Variants in PPFIA2 observed in about 807,000 individuals in gnomAD.
The protein encoded by PPFIA2 is liprin-alpha-2.
PPFIA2 carries 46 observed loss-of-function variants against 175.5 expected under a neutral mutation model. That is an observed-to-expected ratio of 0.26 (90% CI 0.21 to 0.34). The LOEUF is 0.34. PPFIA2 is among the 10% of genes least tolerant of loss of function. PPFIA2 has a pLI of 1.00. For synonymous variants in PPFIA2, 568 were observed against 511.4 expected, an observed-to-expected ratio of 1.11 and a Z score of -1.49; for missense variants, 1,179 against 1,506.1, an observed-to-expected ratio of 0.78 and a Z score of 3.60.
intron 24 of PPFIA2, among the ~76,000 whole-genome samples, chr12:81,291,405 T>C (rs1335696510): frequency 6.6e-6 from 1 of 152,004 alleles, no homozygotes; most frequent in African/African-American, 2.4e-5. Context: ...ATCTATATAA[T>C]CCTGTACTAA....
chr12:81,274,803 C>A (rs990309578), intron 28 of PPFIA2, among the ~76,000 whole-genome samples: 1 of 152,272 alleles, frequency 6.6e-6, no homozygotes, highest in Admixed American at 6.5e-5. Context: ...GTCACCAGAT[C>A]AGTCATAGGA....
intron 13 of PPFIA2, among the ~76,000 whole-genome samples, chr12:81,368,397 T>C (rs1453199124): frequency 6.6e-6 from 1 of 151,732 alleles, no homozygotes; most frequent in Non-Finnish European, 1.5e-5. Context: ...AAGTATTGAC[T>C]TGTGTCTCAT....
intron 4 of PPFIA2, among the ~76,000 whole-genome samples, chr12:81,661,389 G>T (rs1296770325): frequency 6.6e-6 from 1 of 152,100 alleles, no homozygotes; most frequent in Non-Finnish European, 1.5e-5. Flanking sequence ...AAAAGGCAGG[G>T]TTTGCAATCC....
chr12:81,259,674 T>C lies in PPFIA2; in HGVS notation c.*34-14A>G. On this transcript the variant is annotated splice_polypyrimidine_tract_variant and intron_variant, in intron 32 of 32. Coordinates refer to ENST00000549396, the MANE Select transcript of PPFIA2 (RefSeq NM_003625.5). Reference sequence around the variant, plus strand: ...AAAAGACGCCATCTAAAATATACAATGGATAGCATTAGTTCACTGAAAAGT... The same window carrying C: ...AAAAGACGCCATCTAAAATATACAACGGATAGCATTAGTTCACTGAAAAGT... 2 of 1,533,440 alleles carry C rather than the reference T, an allele frequency of 1.3e-6. No homozygotes were observed. The highest frequency in any genetic ancestry group is 1.7e-6 in the Non-Finnish European group (2 of 1,144,776). The allele number at this position is 1,533,440 out of a possible 1,614,324, so 95.0% of individuals were successfully genotyped here. A position where few individuals can be genotyped will look rare whatever the true frequency, so the allele number is the denominator to read the frequency against.
chr12:81,673,764 T>C (rs2071905269), intron 4 of PPFIA2, among the ~76,000 whole-genome samples: 1 of 152,046 alleles, frequency 6.6e-6, no homozygotes, highest in South Asian at 2.1e-4. Context: ...AATCTGCAAG[T>C]TGTGTTTGCT....
At chr12:81,585,052 A>AAT (rs1466930012) in intron 4 of PPFIA2, among the ~76,000 whole-genome samples, 79 of 119,214 alleles carry the variant, frequency 6.6e-4, no homozygotes, top group East Asian at 3.8e-3. Flanking sequence ...ATAATATATT[A>AAT]TATAATTATA....
At chr12:81,316,133 A>G (rs984868178) in intron 22 of PPFIA2, among the ~76,000 whole-genome samples, 4 of 151,574 alleles carry the variant, frequency 2.6e-5, no homozygotes, top group Non-Finnish European at 3.0e-5. Flanking sequence ...ATATATATGT[A>G]TGAAGTCTTT....
At chr12:81,406,311 G>A (rs1222967807) in intron 7 of PPFIA2, among the ~76,000 whole-genome samples, 1 of 151,928 alleles carries the variant, frequency 6.6e-6, no homozygotes, top group East Asian at 1.9e-4. Flanking sequence ...AAAGATTGAA[G>A]GTTAAAGACT....
chr12:81,267,800 T>C (rs1049153333), intron 29 of PPFIA2, 112 bp downstream of exon 29: 8 of 858,414 alleles, frequency 9.3e-6, no homozygotes, highest in African/African-American at 3.8e-5. Flanking sequence ...ATTTCAAACA[T>C]TGAGTTAACT....
intron 23 of PPFIA2, among the ~76,000 whole-genome samples, chr12:81,298,912 G>T (rs2047136765): frequency 6.6e-6 from 1 of 152,142 alleles, no homozygotes; most frequent in Non-Finnish European, 1.5e-5. Flanking sequence ...TGTACATCTA[G>T]GTGATCTTAC....
intron 3 of PPFIA2, among the ~76,000 whole-genome samples, chr12:81,751,135 A>T (rs556042489): frequency 5.4e-5 from 8 of 148,498 alleles, no homozygotes; most frequent in South Asian, 2.1e-4. Context: ...CACTTTCTTT[A>T]AAAAAAAAAG....
intron 4 of PPFIA2, among the ~76,000 whole-genome samples, chr12:81,610,733 C>A (rs556106889): frequency 6.6e-6 from 1 of 152,298 alleles, no homozygotes; most frequent in African/African-American, 2.4e-5. Context: ...TCATTTCAGT[C>A]ATTTCAGACT....
intron 7 of PPFIA2, among the ~76,000 whole-genome samples, chr12:81,412,797 T>C (rs924977726): frequency 1.3e-5 from 2 of 151,960 alleles, no homozygotes; most frequent in Non-Finnish European, 2.9e-5. Context: ...AAATTTGATG[T>C]ACATTAAACA....
Position 81,504,605 on chromosome 12 carries a change from A to G in PPFIA2, c.304-46739T>C, listed in dbSNP as rs1172017575. ...GTGTGGTCATTCCTCAAGGATCTAGAAATAAAAATACCATTTGACCCAGCA... is the reference window on the plus strand; with the variant it reads ...GTGTGGTCATTCCTCAAGGATCTAGGAATAAAAATACCATTTGACCCAGCA... On this transcript the variant is annotated intron_variant, in intron 4 of 32. Coordinates refer to ENST00000549396, the MANE Select transcript of PPFIA2 (RefSeq NM_003625.5). 4.6e-5 allele frequency among the ~76,000 whole-genome samples: 7 copies of G among 152,180 alleles called. No individual in the cohort carries two copies. In the East Asian group the frequency reaches 1.3e-3, roughly 29 times the overall value.
chr12:81,691,200 C>G (rs1333181238), intron 3 of PPFIA2, among the ~76,000 whole-genome samples: 1 of 152,108 alleles, frequency 6.6e-6, no homozygotes. Flanking sequence ...CCAAATTAAA[C>G]TTTCTTGACC....
chr12:81,452,998 A>AT (rs147380144), intron 5 of PPFIA2, among the ~76,000 whole-genome samples: 25,007 of 150,996 alleles, frequency 0.17, 2,223 homozygotes, highest in Middle Eastern at 0.23. Flanking sequence ...TTTTTTTTTA[A>AT]TTTTTTTTTA....
At chr12:81,540,417 T>G (rs561107741) in intron 4 of PPFIA2, among the ~76,000 whole-genome samples, 1 of 152,134 alleles carries the variant, frequency 6.6e-6, no homozygotes, top group Admixed American at 6.6e-5. Flanking sequence ...AAAGTAAATA[T>G]TCCCTGTAAA....
chr12:81,344,972 A>G (rs2058795370), intron 18 of PPFIA2, among the ~76,000 whole-genome samples: 1 of 152,142 alleles, frequency 6.6e-6, no homozygotes, highest in East Asian at 1.9e-4. Flanking sequence ...TGGGAAAGAG[A>G]AACTGTGGAA....
intron 4 of PPFIA2, among the ~76,000 whole-genome samples, chr12:81,659,717 C>A (rs1205904122): frequency 1.3e-5 from 2 of 152,152 alleles, no homozygotes; most frequent in East Asian, 3.9e-4. Flanking sequence ...CTGGTTCTCC[C>A]AGCATGCAGC....
Sources: allele counts gnomAD v4.1 joint callset (sites outside exome capture counted in the v4.1 genomes callset), GRCh38; gene constraint gnomAD v4.1.1; transcripts MANE v1.5; gene names NCBI Gene and HGNC (gene_info 2026-07-23, HGNC 2026-07-21).